The following RIN2 variants were observed in gnomAD, a reference collection of about 807,000 sequenced individuals.
RIN2 encodes the protein RAB5 interacting protein 2.
Under a neutral mutation model 78.0 loss-of-function variants are expected in RIN2, and 36 were observed. The observed-to-expected ratio is 0.46, with a 90% CI of 0.35 to 0.61. The LOEUF (loss-of-function observed/expected upper bound fraction) is 0.61, where lower values mean the gene tolerates loss of function less well. Ranked by LOEUF, RIN2 falls within the 20% of genes least tolerant of loss-of-function variation. The pLI, the probability that RIN2 is intolerant of heterozygous loss-of-function variation, is 0.00. For missense variants in RIN2, 1,087 were observed against 1,159.7 expected (o/e 0.94, Z 0.91); for synonymous variants, 466 against 466.8 (o/e 1.00, Z 0.02).
At chr20:19,880,689 C>T (rs1395608706) in intron 2 of RIN2, among the ~76,000 whole-genome samples, 1 of 152,090 alleles carries the variant, frequency 6.6e-6, no homozygotes, top group Non-Finnish European at 1.5e-5. Flanking sequence ...TCTTTAAAAA[C>T]CCTTCTCTTT....
chr20:19,887,405 A>C (rs1214042833), intron 2 of RIN2, among the ~76,000 whole-genome samples: 1 of 152,126 alleles, frequency 6.6e-6, no homozygotes, highest in Non-Finnish European at 1.5e-5. Context: ...GGCCACCAGC[A>C]TTTAATCCCA....
At chr20:19,841,006 T>C (rs188041706) in intron 2 of RIN2, among the ~76,000 whole-genome samples, 2 of 152,282 alleles carry the variant, frequency 1.3e-5, no homozygotes, top group Non-Finnish European at 2.9e-5. Flanking sequence ...CCAAAAGTTA[T>C]CTGTTCTTTA....
chr20:19,812,594 T>C (rs1160496852), intron 2 of RIN2, among the ~76,000 whole-genome samples: 1 of 152,202 alleles, frequency 6.6e-6, no homozygotes, highest in African/African-American at 2.4e-5. Context: ...GTTTGGATAA[T>C]TGCAATTATT....
intron 2 of RIN2, among the ~76,000 whole-genome samples, chr20:19,854,213 G>A (rs952379385): frequency 1.4e-4 from 21 of 152,074 alleles, no homozygotes; most frequent in African/African-American, 5.1e-4. Flanking sequence ...TACTTCTGAG[G>A]GCTCTGTTCT....
chr20:19,999,893 A>T (rs1463877491), intron 12 of RIN2, among the ~76,000 whole-genome samples: 1 of 152,256 alleles, frequency 6.6e-6, no homozygotes, highest in Admixed American at 6.5e-5. Context: ...GCCCAGAGCC[A>T]CTAGGAGCCT....
intron 9 of RIN2, among the ~76,000 whole-genome samples, chr20:19,979,144 T>A (rs1039800739): frequency 2.0e-5 from 3 of 152,272 alleles, no homozygotes; most frequent in African/African-American, 7.2e-5. Context: ...TGATGTTTAT[T>A]TCTGACTTGA....
intron 2 of RIN2, among the ~76,000 whole-genome samples, chr20:19,884,491 TC>T (rs1399760835): frequency 6.6e-6 from 1 of 152,210 alleles, no homozygotes; most frequent in Non-Finnish European, 1.5e-5. Context: ...TACAGTTCTT[TC>T]CATATGACTT....
intron 3 of RIN2, among the ~76,000 whole-genome samples, chr20:19,897,538 C>T (rs1031549293): frequency 2.0e-5 from 3 of 152,156 alleles, no homozygotes; most frequent in African/African-American, 7.2e-5. Flanking sequence ...GTTTAGGCTA[C>T]AGCAGGGATG....
intron 4 of RIN2, among the ~76,000 whole-genome samples, chr20:19,937,238 A>G (rs1256520354): frequency 6.6e-6 from 1 of 152,238 alleles, no homozygotes; most frequent in African/African-American, 2.4e-5. Context: ...TGTGGCCACA[A>G]TTCAGCCTGG....
chr20:19,986,397 T>C lies in RIN2; in HGVS notation c.1763-3609T>C, dbSNP rs141829640. 6.6e-5 allele frequency among the ~76,000 whole-genome samples: 10 copies of C among 152,284 alleles called. No homozygotes were observed. In the East Asian group the frequency reaches 1.9e-3, roughly 29 times the overall value. On this transcript the variant is annotated intron_variant, in intron 9 of 12. Transcript: ENST00000255006. ...AGGGACCAGTTTCCTTATTTTTAAA[T>C]TATGGTCTTTAAAGAAAAATGTCCT...
chr20:19,919,988 C>G (rs2039843912), intron 3 of RIN2, among the ~76,000 whole-genome samples: 1 of 152,002 alleles, frequency 6.6e-6, no homozygotes, highest in African/African-American at 2.4e-5. Context: ...CCTTAGTGAC[C>G]ACTCTTAGAA....
chr20:19,919,192 T>A (rs1189885689), intron 3 of RIN2, among the ~76,000 whole-genome samples: 1 of 151,810 alleles, frequency 6.6e-6, no homozygotes, highest in East Asian at 1.9e-4. Flanking sequence ...CCAGAGAGGG[T>A]TTTAGGGAGA....
intron 2 of RIN2, among the ~76,000 whole-genome samples, chr20:19,815,218 C>G (rs906314491): frequency 2.0e-5 from 3 of 152,016 alleles, no homozygotes; most frequent in African/African-American, 7.3e-5. Flanking sequence ...ATTTTGTGTT[C>G]CTAGGTAATT....
intron 11 of RIN2, among the ~76,000 whole-genome samples, chr20:19,995,388 G>C (rs959854639): frequency 2.1e-4 from 32 of 151,424 alleles, no homozygotes; most frequent in African/African-American, 7.3e-4. Flanking sequence ...TGAGTATTTT[G>C]ACAAAGAATG....
At chr20:19,819,067 A>G (rs761434630) in intron 2 of RIN2, among the ~76,000 whole-genome samples, 1 of 152,242 alleles carries the variant, frequency 6.6e-6, no homozygotes, top group Non-Finnish European at 1.5e-5. Context: ...GTCCGGAAGG[A>G]CAGATCTTTA....
chr20:19,969,390 T>C (rs887191718), intron 7 of RIN2, among the ~76,000 whole-genome samples: 7 of 152,282 alleles, frequency 4.6e-5, no homozygotes, highest in African/African-American at 1.7e-4. Context: ...CCAGGGCCTT[T>C]GCACCTGCTG....
At chr20:19,993,302 T>C (rs977233579) in intron 11 of RIN2, among the ~76,000 whole-genome samples, 1 of 151,918 alleles carries the variant, frequency 6.6e-6, no homozygotes, top group Admixed American at 6.6e-5. Context: ...AGTTTCAGTC[T>C]GGGCTTGAGT....
intron 9 of RIN2, among the ~76,000 whole-genome samples, chr20:19,989,091 C>T (rs1419429944): frequency 6.6e-6 from 1 of 152,122 alleles, no homozygotes; most frequent in Non-Finnish European, 1.5e-5. Context: ...TTAATAACTA[C>T]AGTATAATTA....
At chr20:19,939,282 A>C (rs1419562942) in intron 4 of RIN2, among the ~76,000 whole-genome samples, 1 of 152,182 alleles carries the variant, frequency 6.6e-6, no homozygotes, top group Non-Finnish European at 1.5e-5. Context: ...TCCTGGCCTC[A>C]AGTGGTCCAC....
Sources: allele counts gnomAD v4.1 joint callset (sites outside exome capture counted in the v4.1 genomes callset), GRCh38; gene constraint gnomAD v4.1.1; transcripts MANE v1.5; gene names NCBI Gene and HGNC (gene_info 2026-07-23, HGNC 2026-07-21).